Variants in TACC2 observed in about 807,000 individuals in gnomAD.
The protein encoded by TACC2 is transforming acidic coiled-coil containing protein 2.
In TACC2, 137 loss-of-function variants were observed where a neutral mutation model predicts 227.3. That is an observed-to-expected ratio of 0.60 (90% CI 0.52 to 0.69). The LOEUF is 0.69. TACC2 is among the 30% of genes least tolerant of loss of function. The probability of loss-of-function intolerance (pLI) is 0.00; values close to 1 mark genes in which losing one functional copy is unlikely to be tolerated. For missense variants in TACC2, 3,470 were observed against 3,694.4 expected, an observed-to-expected ratio of 0.94 and a Z score of 1.57; for synonymous variants, 1,523 against 1,487.5, an observed-to-expected ratio of 1.02 and a Z score of -0.55.
At chr10:122,033,290 A>T (rs2135841722) in intron 2 of TACC2, 1 of 449,510 alleles carries the variant, frequency 2.2e-6, no homozygotes, top group African/African-American at 2.0e-5. Flanking sequence ...TGCTTCTTCC[A>T]TCCACCCCAA....
intron 3 of TACC2, among the ~76,000 whole-genome samples, chr10:122,076,980 T>G (rs1023901114): frequency 3.3e-5 from 5 of 152,130 alleles, no homozygotes; most frequent in Middle Eastern, 3.4e-3. Flanking sequence ...CTGGGCATGG[T>G]GGCAAAGGCC....
chr10:122,122,139 AG>A (rs2085943553), intron 5 of TACC2, among the ~76,000 whole-genome samples: 1 of 152,174 alleles, frequency 6.6e-6, no homozygotes. Context: ...GTGGATCACG[AG>A]GTCAGGAGAT....
intron 3 of TACC2, among the ~76,000 whole-genome samples, chr10:122,071,226 A>G (rs1456309265): frequency 6.6e-6 from 1 of 152,238 alleles, no homozygotes; most frequent in Non-Finnish European, 1.5e-5. Context: ...GTATTTGATC[A>G]TTAAGAAAAG....
chr10:122,027,782 T>C (rs1221057172), intron 2 of TACC2, among the ~76,000 whole-genome samples: 7 of 151,622 alleles, frequency 4.6e-5, no homozygotes, highest in South Asian at 2.1e-4. Context: ...CTCACTCTGT[T>C]GCCCAGGCTG....
chr10:122,013,250 C>T (rs559533415), intron 1 of TACC2, among the ~76,000 whole-genome samples: 16 of 152,246 alleles, frequency 1.1e-4, no homozygotes, highest in Admixed American at 5.2e-4. Context: ...AGGAAGAAAA[C>T]AGCAGGCTAA....
At chr10:122,019,659 G>A (rs970265345) in intron 1 of TACC2, 19 of 152,268 alleles carry the variant, frequency 1.2e-4, no homozygotes, top group African/African-American at 4.3e-4. Flanking sequence ...GATTCCCTGT[G>A]GGCAGGAACG....
chr10:122,236,524 C>G (rs2095859520), intron 16 of TACC2, among the ~76,000 whole-genome samples: 1 of 152,196 alleles, frequency 6.6e-6, no homozygotes, highest in Admixed American at 6.5e-5. Context: ...GCTGCTAACA[C>G]CGCATTTCAA....
chr10:122,072,864 A>G (rs972403916), intron 3 of TACC2, among the ~76,000 whole-genome samples: 14 of 152,102 alleles, frequency 9.2e-5, no homozygotes, highest in African/African-American at 3.4e-4. Context: ...GCGTAATCCC[A>G]GCACTTTGGG....
At chr10:122,154,941 C>T (rs1200164185) in intron 7 of TACC2, among the ~76,000 whole-genome samples, 1 of 152,200 alleles carries the variant, frequency 6.6e-6, no homozygotes, top group African/African-American at 2.4e-5. Context: ...TTCTGAGCCT[C>T]AGCGCCTGGT....
chr10:122,136,539 G>T (rs1350001441), intron 6 of TACC2, among the ~76,000 whole-genome samples: 1 of 73,046 alleles, frequency 1.4e-5, no homozygotes, highest in Non-Finnish European at 4.1e-5. Flanking sequence ...ATGTTTGTGT[G>T]TGTGTGTATA....
intron 7 of TACC2, among the ~76,000 whole-genome samples, chr10:122,161,500 T>G (rs140563725): frequency 6.6e-5 from 10 of 152,378 alleles, no homozygotes; most frequent in African/African-American, 2.4e-4. Context: ...GCTTTTCCTC[T>G]TTTGCCAGCT....
intron 5 of TACC2, among the ~76,000 whole-genome samples, chr10:122,093,553 A>G (rs747473439): frequency 6.6e-6 from 1 of 152,236 alleles, no homozygotes; most frequent in Non-Finnish European, 1.5e-5. Context: ...TTTATATGAC[A>G]TAGGAAATCG....
At chr10:122,192,333 G>A (rs113769372) in intron 7 of TACC2, 3,313 of 244,206 alleles carry the variant, frequency 0.014, 36 homozygotes, top group Middle Eastern at 0.019. Context: ...TTGCTGCAGC[G>A]GAGAACTCAT....
intron 19 of TACC2, chr10:122,247,880 T>TGTGCCC (rs2141886819): frequency 1.3e-5 from 2 of 152,310 alleles, no homozygotes; most frequent in African/African-American, 4.8e-5. Flanking sequence ...AACCTGCACA[T>TGTGCCC]GTGCCCCAAA....
chr10:122,253,127 A>G (rs1337460898), intron 22 of TACC2, among the ~76,000 whole-genome samples: 2 of 152,232 alleles, frequency 1.3e-5, no homozygotes, highest in Non-Finnish European at 2.9e-5. Flanking sequence ...AGGGCTCTGC[A>G]CAGCCTCAGG....
At chr10:122,135,210 C>T (rs2089345719) in intron 6 of TACC2, among the ~76,000 whole-genome samples, 1 of 152,182 alleles carries the variant, frequency 6.6e-6, no homozygotes, top group South Asian at 2.1e-4. Flanking sequence ...CCTCCACTGG[C>T]AGAGCTGCGG....
At chr10:122,028,247 G>A (rs1451023819) in intron 2 of TACC2, among the ~76,000 whole-genome samples, 4 of 151,526 alleles carry the variant, frequency 2.6e-5, no homozygotes, top group Admixed American at 6.6e-5. Flanking sequence ...ATGCCACCAT[G>A]CCCGGCTAAT....
At chr10:122,187,041 T>C (rs2094223143) in intron 7 of TACC2, among the ~76,000 whole-genome samples, 1 of 152,158 alleles carries the variant, frequency 6.6e-6, no homozygotes, top group South Asian at 2.1e-4. Context: ...GCCGGCTTAG[T>C]GTCACTCTGC....
chr10:122,001,723 A>G (rs778260947), intron 1 of TACC2, among the ~76,000 whole-genome samples: 1 of 152,170 alleles, frequency 6.6e-6, no homozygotes, highest in Non-Finnish European at 1.5e-5. Context: ...GAGTTTCACA[A>G]GTTGCTTTTG....
Sources: gnomAD v4.1 joint callset for allele counts (sites outside exome capture counted in the v4.1 genomes callset) on GRCh38, gnomAD v4.1.1 for gene constraint, MANE v1.5 for transcripts, NCBI Gene and HGNC (gene_info 2026-07-23, HGNC 2026-07-21) for gene names.